Variants in ROBO2 observed in about 807,000 individuals in gnomAD.
ROBO2 encodes the protein roundabout guidance receptor 2.
Under a neutral mutation model 160.8 loss-of-function variants are expected in ROBO2, and 53 were observed. The ratio of observed to expected loss-of-function variants is 0.33; its 90% CI spans 0.26 to 0.41. ROBO2 has a LOEUF of 0.41. Among genes scored for constraint, ROBO2 ranks in the 10% least tolerant of loss-of-function variants. ROBO2 has a pLI of 1.00. For missense variants in ROBO2, 1,577 were observed against 1,722.4 expected (o/e 0.92, Z 1.49); for synonymous variants, 664 against 611.7 (o/e 1.09, Z -1.26).
chr3:77,213,042 T>C (rs1580042943), intron 2 of ROBO2, among the ~76,000 whole-genome samples: 2 of 152,294 alleles, frequency 1.3e-5, no homozygotes, highest in East Asian at 3.9e-4. Flanking sequence ...TTCTCTTTTT[T>C]TTGTTGTGTC....
chr3:76,189,658 A>C (rs767115873), intron 2 of ROBO2, among the ~76,000 whole-genome samples: 26 of 152,066 alleles, frequency 1.7e-4, no homozygotes, highest in Non-Finnish European at 2.8e-4. Flanking sequence ...TTTATGCCCA[A>C]CTTAAAACCT....
intron 2 of ROBO2, among the ~76,000 whole-genome samples, chr3:76,936,705 T>G (rs2077724148): frequency 1.3e-5 from 1 of 75,376 alleles, no homozygotes; most frequent in South Asian, 4.4e-4. Context: ...TAACACTGAT[T>G]GAGAAACTGG....
At chr3:76,483,483 C>G (rs780523755) in intron 2 of ROBO2, among the ~76,000 whole-genome samples, 1 of 152,026 alleles carries the variant, frequency 6.6e-6, no homozygotes, top group Non-Finnish European at 1.5e-5. Context: ...TATACCATCT[C>G]CTTACAAGTC....
chr3:77,202,168 T>G lies in ROBO2; in HGVS notation c.388+103828T>G, dbSNP rs115182284. On this transcript the variant is annotated intron_variant, in intron 2 of 25. Transcript: ENST00000461745. ...AGTATCAACGATCAGAGGGAAGCCA[T>G]CCAACTGTGAAACTACTGGTCATTG... is the stretch of plus-strand genomic sequence containing the variant. Among the ~76,000 whole-genome samples, 989 of 152,250 alleles carry G rather than the reference T, an allele frequency of 6.5e-3. 11 individuals are homozygous for G. The highest frequency in any genetic ancestry group is 0.023 in the African/African-American group (953 of 41,538).
intron 8 of ROBO2, among the ~76,000 whole-genome samples, chr3:77,554,058 A>T (rs183867319): frequency 3.3e-5 from 5 of 152,078 alleles, no homozygotes; most frequent in East Asian, 1.9e-4. Context: ...CTCTCTTGTA[A>T]GTAACTAATG....
At chr3:76,451,021 G>T (rs1305848798) in intron 2 of ROBO2, among the ~76,000 whole-genome samples, 2 of 152,112 alleles carry the variant, frequency 1.3e-5, no homozygotes, top group African/African-American at 4.8e-5. Context: ...CGCCTTTCCA[G>T]GGAGGCTGTT....
intron 2 of ROBO2, among the ~76,000 whole-genome samples, chr3:76,571,867 T>C (rs994368413): frequency 6.6e-6 from 1 of 152,132 alleles, no homozygotes; most frequent in African/African-American, 2.4e-5. Context: ...ATAATGGAAG[T>C]AAATTACTAA....
intron 2 of ROBO2, among the ~76,000 whole-genome samples, chr3:76,523,014 A>G (rs3893327): frequency 0.077 from 11,422 of 147,926 alleles, 786 homozygotes; most frequent in African/African-American, 0.18. Context: ...TATAAAATAT[A>G]TAATATATTT....
At chr3:77,019,718 T>G (rs1005336353) in intron 2 of ROBO2, among the ~76,000 whole-genome samples, 18 of 152,324 alleles carry the variant, frequency 1.2e-4, no homozygotes, top group African/African-American at 4.3e-4. Context: ...AAATAATTTT[T>G]GGTGACCCTT....
chr3:75,928,529 A>C (rs1052113937), intron 1 of ROBO2, among the ~76,000 whole-genome samples: 13 of 152,242 alleles, frequency 8.5e-5, no homozygotes, highest in African/African-American at 2.9e-4. Flanking sequence ...GGTTGTTTCC[A>C]TTCCTTTAAC....
chr3:76,277,866 T>C (rs1435987326), intron 2 of ROBO2, among the ~76,000 whole-genome samples: 3 of 151,612 alleles, frequency 2.0e-5, no homozygotes, highest in African/African-American at 7.3e-5. Flanking sequence ...CTCCCAGCAA[T>C]AGGTAAATAA....
chr3:77,609,123 G>T (rs2094578743), intron 21 of ROBO2, among the ~76,000 whole-genome samples: 1 of 151,346 alleles, frequency 6.6e-6, no homozygotes, highest in Non-Finnish European at 1.5e-5. Flanking sequence ...AATATTTTTT[G>T]TCTATGTCTT....
chr3:76,998,571 C>G (rs1161217505), intron 2 of ROBO2, among the ~76,000 whole-genome samples: 1 of 152,096 alleles, frequency 6.6e-6, no homozygotes, highest in Non-Finnish European at 1.5e-5. Flanking sequence ...CAATTTATAG[C>G]TATGGAAACT....
chr3:76,942,309 A>G (rs1183878993), intron 2 of ROBO2, among the ~76,000 whole-genome samples: 1 of 152,196 alleles, frequency 6.6e-6, no homozygotes, highest in African/African-American at 2.4e-5. Flanking sequence ...TGCAAAGCAC[A>G]CCTCACTTTT....
At chr3:77,173,333 T>C (rs908476533) in intron 2 of ROBO2, among the ~76,000 whole-genome samples, 7 of 152,064 alleles carry the variant, frequency 4.6e-5, no homozygotes, top group Admixed American at 1.3e-4. Context: ...ATTTTTTCTT[T>C]CCCAGGAGTG....
At chr3:77,189,493 A>G (rs1460063708) in intron 2 of ROBO2, among the ~76,000 whole-genome samples, 1 of 151,890 alleles carries the variant, frequency 6.6e-6, no homozygotes, top group Non-Finnish European at 1.5e-5. Context: ...CAAACACTCA[A>G]TCACCGTGAC....
At chr3:76,813,737 A>T (rs1340778128) in intron 2 of ROBO2, among the ~76,000 whole-genome samples, 1 of 152,050 alleles carries the variant, frequency 6.6e-6, no homozygotes, top group Non-Finnish European at 1.5e-5. Context: ...ACACATATGC[A>T]TTTTTTTCAG....
intron 2 of ROBO2, among the ~76,000 whole-genome samples, chr3:77,452,465 A>G (rs1283591503): frequency 2.6e-5 from 4 of 152,190 alleles, no homozygotes; most frequent in Non-Finnish European, 4.4e-5. Flanking sequence ...AAGCATGCTT[A>G]TAAGTGCAGC....
chr3:76,180,021 C>A (rs187312388), intron 2 of ROBO2, among the ~76,000 whole-genome samples: 2 of 152,036 alleles, frequency 1.3e-5, no homozygotes, highest in South Asian at 4.2e-4. Context: ...TCTGCTGCTC[C>A]GGCAGGGTGG....
Sources: allele counts gnomAD v4.1 joint callset (sites outside exome capture counted in the v4.1 genomes callset), GRCh38; gene constraint gnomAD v4.1.1; transcripts MANE v1.5; gene names NCBI Gene and HGNC (gene_info 2026-07-23, HGNC 2026-07-21).